The following MYO18B variants were observed in gnomAD, a reference collection of about 807,000 sequenced individuals.
MYO18B encodes unconventional myosin-XVIIIb.
Under a neutral mutation model 273.0 loss-of-function variants are expected in MYO18B, and 204 were observed. The observed-to-expected ratio is 0.75, with a 90% CI of 0.67 to 0.84. The LOEUF (loss-of-function observed/expected upper bound fraction) is 0.84, where lower values mean the gene tolerates loss of function less well. Ranked by LOEUF, MYO18B falls within the 40% of genes least tolerant of loss-of-function variation. MYO18B has a pLI of 0.00. For missense variants in MYO18B, 3,212 were observed against 3,287.6 expected (o/e 0.98, Z 0.56); for synonymous variants, 1,330 against 1,305.7 (o/e 1.02, Z -0.40).
chr22:25,829,993 A>G (rs1331063344), intron 15 of MYO18B, among the ~76,000 whole-genome samples: 1 of 152,142 alleles, frequency 6.6e-6, no homozygotes, highest in Non-Finnish European at 1.5e-5. Context: ...TCAGTTCCCC[A>G]TATGACTCCC....
chr22:25,767,519 C>T (rs1181964373), intron 3 of MYO18B, among the ~76,000 whole-genome samples: 3 of 152,088 alleles, frequency 2.0e-5, no homozygotes, highest in Non-Finnish European at 2.9e-5. Context: ...TGGGGAAACC[C>T]GAAGCCCAGA....
intron 39 of MYO18B, chr22:25,959,265 CTTTTTTTT>C (rs957809634): frequency 8.4e-6 from 1 of 119,270 alleles, no homozygotes; most frequent in Admixed American, 9.1e-5. Flanking sequence ...CTCCATCTTC[CTTTTTTTT>C]TTTTTTTTTT....
At position 25,911,056 on chromosome 22, in the gene MYO18B, G is replaced by C; in HGVS notation, c.5364+6G>C. 1 of 1,592,538 alleles carries C rather than the reference G, an allele frequency of 6.3e-7. No homozygotes were observed. The highest frequency in any genetic ancestry group is 8.6e-7 in the Non-Finnish European group (1 of 1,167,772). On this transcript the variant is annotated splice_donor_region_variant and intron_variant, in intron 33 of 43. Transcript: ENST00000335473. ...TCGGAACCCTCTGTGACCAGGTAAG[G>C]GGGAGACATTGGCAGACATTCAGAG...
chr22:25,989,934 C>A (rs2093246433), intron 39 of MYO18B, among the ~76,000 whole-genome samples: 1 of 152,222 alleles, frequency 6.6e-6, no homozygotes, highest in Admixed American at 6.5e-5. Flanking sequence ...TTTCCTCTGA[C>A]AGCCTGGGGG....
chr22:25,948,527 T>TCTTTCTTCCTTCCTTC (rs1555961003), intron 36 of MYO18B, among the ~76,000 whole-genome samples: 1 of 110,410 alleles, frequency 9.1e-6, no homozygotes, highest in African/African-American at 3.4e-5. Context: ...CTTCTTTCTT[T>TCTTTCTTCCTTCCTTC]CTTCCTTCCT....
At chr22:25,995,749 C>G (rs547488544) in intron 40 of MYO18B, among the ~76,000 whole-genome samples, 1 of 152,276 alleles carries the variant, frequency 6.6e-6, no homozygotes, top group South Asian at 2.1e-4. Flanking sequence ...TCTGTCTCCT[C>G]TGTTCTGATC....
chr22:25,789,068 TCCTCCTCCTTCTTCTTC>T lies in MYO18B; in HGVS notation c.2376+3579_2376+3595del, dbSNP rs1569020874. On this transcript the variant is annotated intron_variant, in intron 11 of 43. Transcript: ENST00000335473. The stretch of plus-strand genomic sequence containing the variant: ...TTTCTTTTTCTTCTCTTTCTCCTCC[TCCTCCTCCTTCTTCTTC>T]CTCCTCCTTCTTCTTCCTCCTCCTC... Among the ~76,000 whole-genome samples, 110 of 148,198 alleles carry T rather than the reference TCCTCCTCCTTCTTCTTC, an allele frequency of 7.4e-4. 29 individuals carry two copies. The highest frequency in any genetic ancestry group is 1.5e-3 in the South Asian group (7 of 4,628).
intron 21 of MYO18B, among the ~76,000 whole-genome samples, chr22:25,855,033 A>G (rs1047231950): frequency 6.6e-6 from 1 of 152,040 alleles, no homozygotes. Flanking sequence ...AGATCATTTC[A>G]TCACCCAGGT....
intron 11 of MYO18B, among the ~76,000 whole-genome samples, chr22:25,794,666 G>C (rs947944594): frequency 1.3e-5 from 2 of 151,666 alleles, no homozygotes; most frequent in East Asian, 3.9e-4. Flanking sequence ...CACTTCGCCC[G>C]GCTAAGTTTT....
intron 11 of MYO18B, among the ~76,000 whole-genome samples, chr22:25,797,554 G>A (rs1007634272): frequency 2.0e-5 from 3 of 152,058 alleles, no homozygotes; most frequent in African/African-American, 7.2e-5. Flanking sequence ...TGTACCCATA[G>A]CCTACCTACC....
At chr22:26,011,889 C>T (rs1021685832) in intron 42 of MYO18B, among the ~76,000 whole-genome samples, 5 of 152,102 alleles carry the variant, frequency 3.3e-5, no homozygotes, top group African/African-American at 4.8e-5. Flanking sequence ...GCTTTGGTGC[C>T]GATTTAACAC....
intron 14 of MYO18B, among the ~76,000 whole-genome samples, chr22:25,828,266 A>T (rs934239851): frequency 3.3e-5 from 5 of 152,044 alleles, no homozygotes; most frequent in African/African-American, 1.2e-4. Context: ...CAGAGCAAGG[A>T]TTGAAGCCCA....
intron 1 of MYO18B, among the ~76,000 whole-genome samples, chr22:25,750,837 C>G (rs1237666758): frequency 6.6e-6 from 1 of 152,142 alleles, no homozygotes; most frequent in Non-Finnish European, 1.5e-5. Flanking sequence ...AAGGTGTCCC[C>G]ACAGGCACGT....
the MYO18B span, among the ~76,000 whole-genome samples, chr22:26,039,038 C>T: frequency 2.0e-4 from 30 of 152,168 alleles, no homozygotes; most frequent in Non-Finnish European, 3.4e-4. Flanking sequence ...GTCTGATATT[C>T]GAGGTAAAGA....
chr22:26,038,733 A>G, the MYO18B span, among the ~76,000 whole-genome samples: 4 of 152,108 alleles, frequency 2.6e-5, no homozygotes, highest in South Asian at 8.3e-4. Context: ...ACATTAGCCA[A>G]CCAACTACTG....
intron 1 of MYO18B, among the ~76,000 whole-genome samples, chr22:25,755,583 C>A (rs904658881): frequency 1.3e-5 from 2 of 152,230 alleles, no homozygotes; most frequent in African/African-American, 4.8e-5. Context: ...GTTGACGTGT[C>A]ATCCGCAGTG....
At chr22:25,941,671 G>A (rs1278096069) in intron 34 of MYO18B, among the ~76,000 whole-genome samples, 1 of 152,228 alleles carries the variant, frequency 6.6e-6, no homozygotes, top group Non-Finnish European at 1.5e-5. Flanking sequence ...GCTCCCTAAA[G>A]TGCAATAAAT....
chr22:25,848,915 C>T (rs1011167597), intron 20 of MYO18B, among the ~76,000 whole-genome samples: 2 of 152,176 alleles, frequency 1.3e-5, no homozygotes, highest in African/African-American at 4.8e-5. Context: ...CCCATCTCCC[C>T]CTGCTGGGTT....
At chr22:25,824,376 C>T (rs931192337) in intron 13 of MYO18B, among the ~76,000 whole-genome samples, 83 of 151,986 alleles carry the variant, frequency 5.5e-4, no homozygotes, top group African/African-American at 2.0e-3. Context: ...AAGAGAAAGA[C>T]AGAGACCAGC....
Sources: allele counts gnomAD v4.1 joint callset (sites outside exome capture counted in the v4.1 genomes callset), GRCh38; gene constraint gnomAD v4.1.1; transcripts MANE v1.5; gene names NCBI Gene and HGNC (gene_info 2026-07-23, HGNC 2026-07-21).